The following PRICKLE2 variants were observed in gnomAD, a reference collection of about 807,000 sequenced individuals.
PRICKLE2 encodes prickle-like protein 2.
A neutral mutation model predicts 81.4 loss-of-function variants in PRICKLE2; 21 were observed. The observed-to-expected ratio is 0.26, with a 90% CI of 0.18 to 0.37. PRICKLE2 has a LOEUF of 0.37. PRICKLE2 is among the 10% of genes least tolerant of loss of function. The pLI is 1.00. For missense variants in PRICKLE2, 940 were observed against 1,109.0 expected, an observed-to-expected ratio of 0.85 and a Z score of 2.16; for synonymous variants, 456 against 421.5, an observed-to-expected ratio of 1.08 and a Z score of -1.00.
rs555697500 is a variant in PRICKLE2 at position 64,196,324 on chromosome 3, T to G, written c.144+2460A>C. Among the ~76,000 whole-genome samples, 19 of 152,264 alleles carry G rather than the reference T, an allele frequency of 1.2e-4. No individual in the cohort carries two copies. In the South Asian group the frequency reaches 3.1e-3, roughly 25 times the overall value. On this transcript the variant is annotated intron_variant, in intron 2 of 7. Transcript: ENST00000638394. Reference sequence around the variant, plus strand: ...TTAGCAAGAAGCAACATCCTTCAGGTAAACAAAAGAAAGATGGGCTGCTTA... The same window carrying G: ...TTAGCAAGAAGCAACATCCTTCAGGGAAACAAAAGAAAGATGGGCTGCTTA...
intron 7 of PRICKLE2, among the ~76,000 whole-genome samples, chr3:64,119,581 A>G (rs2076993841): frequency 6.6e-6 from 1 of 152,180 alleles, no homozygotes; most frequent in South Asian, 2.1e-4. Flanking sequence ...GGCTGTGGAG[A>G]AAAGAGAACA....
intron 2 of PRICKLE2, among the ~76,000 whole-genome samples, chr3:64,235,873 A>G (rs1037513769): frequency 2.0e-5 from 3 of 152,090 alleles, no homozygotes; most frequent in East Asian, 1.9e-4. Context: ...AAAGAGCCCA[A>G]TCTGCTTGAC....
intron 3 of PRICKLE2, among the ~76,000 whole-genome samples, chr3:64,161,087 G>A (rs913264349): frequency 6.6e-6 from 1 of 151,668 alleles, no homozygotes; most frequent in African/African-American, 2.4e-5. Flanking sequence ...GATCCCTGAC[G>A]CTCCTACTTA....
chr3:64,138,814 A>G (rs547543724), intron 7 of PRICKLE2, among the ~76,000 whole-genome samples: 1 of 152,306 alleles, frequency 6.6e-6, no homozygotes, highest in Non-Finnish European at 1.5e-5. Context: ...GGAATGAACA[A>G]AAAGATCTGG....
intron 2 of PRICKLE2, among the ~76,000 whole-genome samples, chr3:64,164,512 T>C (rs1353442441): frequency 1.3e-5 from 2 of 152,148 alleles, no homozygotes; most frequent in African/African-American, 4.8e-5. Flanking sequence ...AACTAAGTCA[T>C]AAATGTTAGA....
intron 7 of PRICKLE2, among the ~76,000 whole-genome samples, chr3:64,130,873 C>A (rs564073703): frequency 5.3e-5 from 8 of 152,282 alleles, no homozygotes; most frequent in African/African-American, 1.7e-4. Context: ...AGTTGACAAC[C>A]AGTGCCTGGG....
At chr3:64,186,193 G>A (rs11925484) in intron 2 of PRICKLE2, among the ~76,000 whole-genome samples, 32,483 of 152,138 alleles carry the variant, frequency 0.21, 3,661 homozygotes, top group African/African-American at 0.24. Context: ...AGACTTTTGA[G>A]TTATTTCCAA....
At chr3:64,166,142 C>G (rs926837835) in intron 2 of PRICKLE2, among the ~76,000 whole-genome samples, 1 of 152,094 alleles carries the variant, frequency 6.6e-6, no homozygotes, top group Non-Finnish European at 1.5e-5. Flanking sequence ...GTCCTCTTAC[C>G]TCTGCTCTCT....
chr3:64,179,495 G>A (rs2078089016), intron 2 of PRICKLE2, among the ~76,000 whole-genome samples: 1 of 152,116 alleles, frequency 6.6e-6, no homozygotes, highest in East Asian at 1.9e-4. Context: ...AAAAGCATAG[G>A]ATGCAAAAAA....
intron 1 of PRICKLE2, among the ~76,000 whole-genome samples, chr3:64,214,491 G>A (rs2078841294): frequency 6.6e-6 from 1 of 152,144 alleles, no homozygotes; most frequent in South Asian, 2.1e-4. Context: ...TCTACAGGAG[G>A]GACAGGCAGC....
chr3:64,127,439 G>A (rs1330063416), intron 7 of PRICKLE2, among the ~76,000 whole-genome samples: 1 of 152,116 alleles, frequency 6.6e-6, no homozygotes, highest in Non-Finnish European at 1.5e-5. Flanking sequence ...TCTTCCATGG[G>A]CAAGGCATGG....
intron 2 of PRICKLE2, among the ~76,000 whole-genome samples, chr3:64,181,535 T>A (rs1230552333): frequency 6.6e-6 from 1 of 152,198 alleles, no homozygotes; most frequent in Non-Finnish European, 1.5e-5. Flanking sequence ...TATAGCATGC[T>A]TTCCCCTTGT....
intron 1 of PRICKLE2, among the ~76,000 whole-genome samples, chr3:64,212,792 G>T (rs767479303): frequency 5.9e-5 from 9 of 152,080 alleles, no homozygotes; most frequent in Non-Finnish European, 1.2e-4. Context: ...TATGTCTAGG[G>T]ATACAAAGTC....
At chr3:64,236,462 A>T (rs2079180913) in intron 2 of PRICKLE2, among the ~76,000 whole-genome samples, 1 of 152,214 alleles carries the variant, frequency 6.6e-6, no homozygotes, top group African/African-American at 2.4e-5. Context: ...GCCTAGGGAC[A>T]CTGTCACATC....
chr3:64,184,931 CACACG>C (rs2078195977), intron 2 of PRICKLE2, among the ~76,000 whole-genome samples: 1 of 152,222 alleles, frequency 6.6e-6, no homozygotes, highest in East Asian at 1.9e-4. Context: ...TCTCTCTCAA[CACACG>C]TAGAATTGCC....
intron 1 of PRICKLE2, among the ~76,000 whole-genome samples, chr3:64,207,690 T>C (rs1434979841): frequency 6.6e-6 from 1 of 152,178 alleles, no homozygotes; most frequent in African/African-American, 2.4e-5. Flanking sequence ...TAACATATAC[T>C]TACGGGTATC....
chr3:64,217,578 A>G (rs1291397912), intron 1 of PRICKLE2, among the ~76,000 whole-genome samples: 3 of 152,210 alleles, frequency 2.0e-5, no homozygotes, highest in African/African-American at 7.2e-5. Flanking sequence ...TAGGTGTTCA[A>G]TACGTATTTA....
At chr3:64,172,270 G>A (rs1270113683) in intron 2 of PRICKLE2, among the ~76,000 whole-genome samples, 2 of 152,226 alleles carry the variant, frequency 1.3e-5, no homozygotes, top group African/African-American at 4.8e-5. Flanking sequence ...ACCCTTTGCA[G>A]ATTGTCTACG....
rs1017005625 is a variant in PRICKLE2, at chr3:64,164,442, C to T, written c.145-1313G>A. ...ATTTAGGGAGCCGTGGGTATGAACA[C>T]ATGTTTTGGGAATGCTGGGGTGAAG... On this transcript the variant is annotated intron_variant, in intron 2 of 7. Coordinates refer to ENST00000638394, the MANE Select transcript of PRICKLE2 (RefSeq NM_198859.4). 3.3e-5 allele frequency among the ~76,000 whole-genome samples: 5 copies of T among 152,190 alleles called. 1 individual carries two copies. The highest frequency in any genetic ancestry group is 9.7e-5 in the African/African-American group (4 of 41,438).
Sources: allele counts gnomAD v4.1 joint callset (sites outside exome capture counted in the v4.1 genomes callset), GRCh38; gene constraint gnomAD v4.1.1; transcripts MANE v1.5; gene names NCBI Gene and HGNC (gene_info 2026-07-23, HGNC 2026-07-21).